Variants in RBM20 observed in about 807,000 individuals in gnomAD.
RBM20 encodes the protein RNA-binding protein 20.
RBM20 carries 51 observed loss-of-function variants against 110.1 expected under a neutral mutation model. The ratio of observed to expected loss-of-function variants is 0.46; its 90% CI spans 0.37 to 0.59. The LOEUF (loss-of-function observed/expected upper bound fraction) is 0.59. RBM20 is among the 20% of genes least tolerant of loss of function. The pLI is 0.00. For missense variants in RBM20, 1,512 were observed against 1,574.9 expected (o/e 0.96, Z 0.68); for synonymous variants, 589 against 618.2 (o/e 0.95, Z 0.70).
At chr10:110,734,156 T>C (rs1843645836) in intron 1 of RBM20, among the ~76,000 whole-genome samples, 1 of 152,248 alleles carries the variant, frequency 6.6e-6, no homozygotes, top group Non-Finnish European at 1.5e-5. Context: ...AATTCCAACA[T>C]ATCTTCTTGA....
At chr10:110,734,358 G>C (rs112286951) in intron 1 of RBM20, among the ~76,000 whole-genome samples, 5,867 of 152,268 alleles carry the variant, frequency 0.039, 367 homozygotes, top group African/African-American at 0.13. Flanking sequence ...TGTCAGTAGA[G>C]AAATGGCCCC....
chr10:110,763,043 C>T (rs889751435), intron 1 of RBM20, among the ~76,000 whole-genome samples: 7 of 152,098 alleles, frequency 4.6e-5, no homozygotes, highest in African/African-American at 9.7e-5. Context: ...ACTGAGTCAG[C>T]GGCTGAGGCC....
At chr10:110,720,024 G>A (rs1171977405) in intron 1 of RBM20, among the ~76,000 whole-genome samples, 1 of 151,870 alleles carries the variant, frequency 6.6e-6, no homozygotes, top group Non-Finnish European at 1.5e-5. Flanking sequence ...CCCTCCTATG[G>A]CAAGAGGGGT....
chr10:110,690,358 A>T (rs1458594949), intron 1 of RBM20, among the ~76,000 whole-genome samples: 1 of 152,184 alleles, frequency 6.6e-6, no homozygotes, highest in Non-Finnish European at 1.5e-5. Flanking sequence ...GTGAGCTGTG[A>T]TAGTGCCACT....
chr10:110,687,902 C>T (rs904982635), intron 1 of RBM20, among the ~76,000 whole-genome samples: 2 of 152,034 alleles, frequency 1.3e-5, no homozygotes, highest in African/African-American at 2.4e-5. Context: ...GTTTACTCTT[C>T]TAACCAGCTC....
chr10:110,754,446 C>T (rs1843897181), intron 1 of RBM20, among the ~76,000 whole-genome samples: 1 of 152,136 alleles, frequency 6.6e-6, no homozygotes, highest in Admixed American at 6.5e-5. Flanking sequence ...TCCCCATTGT[C>T]CTCTTTTGGG....
intron 13 of RBM20, among the ~76,000 whole-genome samples, chr10:110,833,390 G>GAGAAAAAAA (rs1554844630): frequency 1.6e-5 from 1 of 62,202 alleles, no homozygotes; most frequent in Non-Finnish European, 2.9e-5. Context: ...CTCTGTCTCA[G>GAGAAAAAAA]AAAAAAAAAA....
intron 1 of RBM20, among the ~76,000 whole-genome samples, chr10:110,682,181 C>T (rs1193856426): frequency 6.6e-6 from 1 of 152,160 alleles, no homozygotes; most frequent in Non-Finnish European, 1.5e-5. Flanking sequence ...CGTGAGCCAT[C>T]ACATCTGGCC....
Position 110,837,430 on chromosome 10 carries a change from T to C in RBM20, c.*1452T>C, listed in dbSNP as rs906770120. 7.2e-5 allele frequency: 11 copies of C among 152,086 alleles called. No homozygotes were observed. The highest frequency in any genetic ancestry group is 1.3e-4 in the Non-Finnish European group (9 of 68,042). 9.4% of individuals were successfully genotyped at this position (152,086 alleles called of 1,614,324 possible). A position where few individuals can be genotyped will look rare whatever the true frequency, so the allele number is the denominator to read the frequency against. ...GCTGTTTTCATGAGCAGAGATACTC[T>C]CCTGAAAGCACCCTTCATAGCTTAG... On this transcript the variant is annotated 3_prime_UTR_variant, in exon 14 of 14. Coordinates refer to ENST00000369519, the MANE Select transcript of RBM20 (RefSeq NM_001134363.3).
In RBM20 at chr10:110,739,304, G is replaced by T. The variant is rs1017618445; in HGVS notation, c.192-41497G>T. On this transcript the variant is annotated intron_variant, in intron 1 of 13. Transcript: ENST00000369519. This position sits in a 1 kb window ranked among gnomAD's most constrained non-coding sequence, Gnocchi z 4.1. The stretch of plus-strand genomic sequence containing the variant: ...GCAAGAATCTGCAATCTGGAAGAGT[G>T]TTGATTCAATATACATTCATTAGGT... Among the ~76,000 whole-genome samples the T allele has an allele frequency of 1.2e-4, 18 of 152,194 alleles. No homozygotes were observed. The highest frequency in any genetic ancestry group is 3.1e-4 in the African/African-American group (13 of 41,434).
At chr10:110,696,667 T>C (rs972615770) in intron 1 of RBM20, among the ~76,000 whole-genome samples, 4 of 152,012 alleles carry the variant, frequency 2.6e-5, no homozygotes, top group African/African-American at 9.7e-5. Flanking sequence ...CTGGAGGAAG[T>C]ACTGCCTGGG....
intron 1 of RBM20, among the ~76,000 whole-genome samples, chr10:110,716,888 G>A (rs1214991290): frequency 2.0e-5 from 3 of 147,550 alleles, no homozygotes; most frequent in Non-Finnish European, 4.5e-5. Context: ...CTGCACTCCC[G>A]CCTCAGTGAC....
chr10:110,726,433 A>G (rs1843561170), intron 1 of RBM20, among the ~76,000 whole-genome samples: 2 of 152,194 alleles, frequency 1.3e-5, no homozygotes, highest in Non-Finnish European at 2.9e-5. Context: ...CTCTCAGGGT[A>G]GCAGATGGAG....
chr10:110,812,189 A>C, intron 8 of RBM20, 89 bp from the exon 9 acceptor site: 1 of 1,164,308 alleles, frequency 8.6e-7, no homozygotes, highest in Non-Finnish European at 1.2e-6. Context: ...TGCACAGTAT[A>C]TCTAAGACAG....
chr10:110,696,842 T>C (rs909917910), intron 1 of RBM20, among the ~76,000 whole-genome samples: 6 of 152,178 alleles, frequency 3.9e-5, no homozygotes, highest in Non-Finnish European at 7.3e-5. Context: ...TAGTAAAGTC[T>C]GCAACTCTTA....
At chr10:110,679,812 T>C (rs974510326) in intron 1 of RBM20, among the ~76,000 whole-genome samples, 3 of 152,166 alleles carry the variant, frequency 2.0e-5, no homozygotes, top group Admixed American at 1.3e-4. Context: ...CCTGATGGAC[T>C]GGGGCACATG....
intron 5 of RBM20, among the ~76,000 whole-genome samples, chr10:110,795,352 G>C (rs1195151477): frequency 6.6e-6 from 1 of 152,258 alleles, no homozygotes; most frequent in Non-Finnish European, 1.5e-5. Flanking sequence ...ACTTTAGGAA[G>C]ATGAGGAGCT....
chr10:110,802,778 G>A (rs981185983), intron 7 of RBM20, among the ~76,000 whole-genome samples: 3 of 152,184 alleles, frequency 2.0e-5, no homozygotes, highest in African/African-American at 4.8e-5. Context: ...GCAAGCTGGC[G>A]AGGAGCTCAG....
chr10:110,822,518 TGAAA>T (rs1844927938), intron 11 of RBM20: 1 of 455,744 alleles, frequency 2.2e-6, no homozygotes, highest in African/African-American at 2.0e-5. Context: ...TGTGACATCA[TGAAA>T]GAGAGAGTTT....
Sources: allele counts gnomAD v4.1 joint callset (sites outside exome capture counted in the v4.1 genomes callset), GRCh38; gene constraint gnomAD v4.1.1; non-coding constraint Gnocchi (gnomAD v3.1); transcripts MANE v1.5; gene names NCBI Gene and HGNC (gene_info 2026-07-23, HGNC 2026-07-21).